C1orf185: variants seen among roughly 807,000 people sequenced by gnomAD.
C1orf185 encodes chromosome 1 open reading frame 185.
C1orf185 carries 13 observed loss-of-function variants against 16.1 expected under a neutral mutation model. The ratio of observed to expected loss-of-function variants is 0.81; its 90% CI spans 0.53 to 1.28. C1orf185 has a LOEUF of 1.28. Among genes scored for constraint, C1orf185 ranks in the 50% most tolerant of loss-of-function variants. The pLI, the probability that C1orf185 is intolerant of heterozygous loss-of-function variation, is 0.00. For missense variants in C1orf185, 220 were observed against 225.2 expected, an observed-to-expected ratio of 0.98 and a Z score of 0.15; for synonymous variants, 80 against 76.9, an observed-to-expected ratio of 1.04 and a Z score of -0.21.
chr1:51,103,659 C>T lies in C1orf185; in HGVS notation c.16+1410C>T, dbSNP rs1450440372. Reference sequence around the variant, plus strand: ...AGCAATTCTCCTGCCTCAGCTGCCCCGCTAACTGGGACCACAGGTGCCCAC... The same window carrying T: ...AGCAATTCTCCTGCCTCAGCTGCCCTGCTAACTGGGACCACAGGTGCCCAC... On this transcript the variant is annotated intron_variant, in intron 1 of 4. Coordinates refer to ENST00000371759, the MANE Select transcript of C1orf185 (RefSeq NM_001136508.2). Among the ~76,000 whole-genome samples the T allele has an allele frequency of 4.6e-5, 7 of 151,734 alleles. No individual in the cohort carries two copies. In the South Asian group the frequency reaches 6.3e-4, roughly 14 times the overall value.
At chr1:51,136,790 A>G (rs533345428) in intron 3 of C1orf185, among the ~76,000 whole-genome samples, 1 of 152,270 alleles carries the variant, frequency 6.6e-6, no homozygotes, top group Admixed American at 6.5e-5. Flanking sequence ...AATAAAACCC[A>G]AATGTATAAA....
chr1:51,123,183 G>C (rs1646210744), intron 3 of C1orf185, among the ~76,000 whole-genome samples: 1 of 152,116 alleles, frequency 6.6e-6, no homozygotes, highest in African/African-American at 2.4e-5. Flanking sequence ...CCACTCCTGT[G>C]ATAACCCATT....
downstream of C1orf185, among the ~76,000 whole-genome samples, chr1:51,149,866 G>T (rs149567619): frequency 3.6e-3 from 544 of 152,292 alleles, 1 homozygote; most frequent in Non-Finnish European, 4.4e-3. Context: ...CATGAAGTAT[G>T]GCTATAAAGC....
intron 3 of C1orf185, among the ~76,000 whole-genome samples, chr1:51,130,361 T>G (rs1054531792): frequency 3.3e-5 from 5 of 151,918 alleles, no homozygotes; most frequent in Admixed American, 3.3e-4. Flanking sequence ...CTTTTTTTTT[T>G]TTTAAGAGAC....
chr1:51,105,181 G>A (rs1646060280), intron 1 of C1orf185, among the ~76,000 whole-genome samples: 2 of 151,986 alleles, frequency 1.3e-5, no homozygotes, highest in Middle Eastern at 3.4e-3. Context: ...TGGCCAGGCT[G>A]GTCTCGAACT....
chr1:51,119,047 G>A (rs1646179050), intron 3 of C1orf185, among the ~76,000 whole-genome samples: 2 of 152,098 alleles, frequency 1.3e-5, no homozygotes, highest in Admixed American at 1.3e-4. Flanking sequence ...ATTGCTATAG[G>A]GATAAAGATA....
chr1:51,110,701 G>C (rs767701765), intron 1 of C1orf185, among the ~76,000 whole-genome samples: 82 of 152,132 alleles, frequency 5.4e-4, no homozygotes, highest in Non-Finnish European at 8.5e-4. Context: ...GAGCGTGATG[G>C]CTTATGCCTG....
At chr1:51,134,288 C>A (rs1459810628) in intron 3 of C1orf185, among the ~76,000 whole-genome samples, 4 of 152,102 alleles carry the variant, frequency 2.6e-5, no homozygotes, top group African/African-American at 4.8e-5. Context: ...TTCTTTGAAA[C>A]TAATGAGAAC....
chr1:51,123,558 T>A (rs1461291503), intron 3 of C1orf185, among the ~76,000 whole-genome samples: 1 of 152,214 alleles, frequency 6.6e-6, no homozygotes, highest in Non-Finnish European at 1.5e-5. Context: ...GATCTTATGG[T>A]ATGAGTGTGT....
At chr1:51,106,162 G>A (rs527997881) in intron 1 of C1orf185, among the ~76,000 whole-genome samples, 4 of 151,928 alleles carry the variant, frequency 2.6e-5, no homozygotes, top group Non-Finnish European at 5.9e-5. Flanking sequence ...GGTGCTACAA[G>A]GAGACTTGTA....
At chr1:51,109,237 A>G (rs897407475) in intron 1 of C1orf185, among the ~76,000 whole-genome samples, 5 of 152,152 alleles carry the variant, frequency 3.3e-5, no homozygotes, top group Admixed American at 6.5e-5. Flanking sequence ...ATGTCTATTC[A>G]GATCATCTTC....
At position 51,103,635 on chromosome 1, in the gene C1orf185, G is replaced by A. The variant is rs538581768; in HGVS notation, c.16+1386G>A. 7.9e-5 allele frequency among the ~76,000 whole-genome samples: 12 copies of A among 151,180 alleles called. No homozygotes were observed. In the South Asian group the frequency reaches 1.9e-3, roughly 24 times the overall value. ...TGCAACCTCTGCCTTCTGGGTTCAA[G>A]CAATTCTCCTGCCTCAGCTGCCCCG... is the stretch of plus-strand genomic sequence containing the variant. On this transcript the variant is annotated intron_variant, in intron 1 of 4. Coordinates refer to ENST00000371759, the MANE Select transcript of C1orf185 (RefSeq NM_001136508.2).
At chr1:51,117,432 C>T (rs900094546) in intron 2 of C1orf185, among the ~76,000 whole-genome samples, 4 of 151,962 alleles carry the variant, frequency 2.6e-5, no homozygotes, top group Non-Finnish European at 5.9e-5. Context: ...CTGTGGGTTT[C>T]GATGAATGTG....
At chr1:51,136,754 C>G (rs1646328335) in intron 3 of C1orf185, among the ~76,000 whole-genome samples, 1 of 152,080 alleles carries the variant, frequency 6.6e-6, no homozygotes, top group Admixed American at 6.6e-5. Flanking sequence ...AAAATTAACT[C>G]AAGACGGATT....
intron 1 of C1orf185, among the ~76,000 whole-genome samples, chr1:51,103,596 C>A (rs1340163593): frequency 6.7e-6 from 1 of 149,986 alleles, no homozygotes; most frequent in East Asian, 2.0e-4. Context: ...TGCAGTGGCG[C>A]AATCTCGGCT....
chr1:51,108,373 T>C (rs547726059), intron 1 of C1orf185, among the ~76,000 whole-genome samples: 3 of 152,334 alleles, frequency 2.0e-5, no homozygotes, highest in African/African-American at 7.2e-5. Flanking sequence ...CAATGTGTAA[T>C]ACTCAAACCA....
chr1:51,130,350 T>C (rs1465137369), intron 3 of C1orf185, among the ~76,000 whole-genome samples: 2 of 146,092 alleles, frequency 1.4e-5, no homozygotes, highest in Non-Finnish European at 3.0e-5. Context: ...TTTCTTTCTT[T>C]CTTTTTTTTT....
chr1:51,141,891 G>C (rs970688362), intron 3 of C1orf185, among the ~76,000 whole-genome samples: 1 of 151,902 alleles, frequency 6.6e-6, no homozygotes, highest in African/African-American at 2.4e-5. Flanking sequence ...GAGTGCAGTG[G>C]CACCATCTTG....
chr1:51,148,437 A>T (rs572646119), downstream of C1orf185, among the ~76,000 whole-genome samples: 443 of 152,260 alleles, frequency 2.9e-3, no homozygotes, highest in Admixed American at 4.8e-3. Context: ...AAAAATATAT[A>T]TTTTTGAATA....
Sources: allele counts gnomAD v4.1 joint callset (sites outside exome capture counted in the v4.1 genomes callset), GRCh38; gene constraint gnomAD v4.1.1; transcripts MANE v1.5; gene names NCBI Gene and HGNC (gene_info 2026-07-23, HGNC 2026-07-21).